Variants in ADAMTS12 observed in about 807,000 individuals in gnomAD.
The protein encoded by ADAMTS12 is A disintegrin and metalloproteinase with thrombospondin motifs 12.
A neutral mutation model predicts 167.8 loss-of-function variants in ADAMTS12; 118 were observed. The observed-to-expected ratio is 0.70, with a 90% CI of 0.61 to 0.82. The LOEUF is 0.82. Ranked by LOEUF, ADAMTS12 falls within the 40% of genes least tolerant of loss-of-function variation. ADAMTS12 has a pLI of 0.00. For synonymous variants in ADAMTS12, 704 were observed against 716.9 expected (o/e 0.98, Z 0.29); for missense variants, 1,916 against 1,998.8 (o/e 0.96, Z 0.79).
rs1737856984 is a variant in ADAMTS12, at chr5:33,596,174, T to C, written c.2528-114A>G. 3.7e-6 allele frequency: 5 copies of C among 1,364,142 alleles called. No individual in the cohort carries two copies. The South Asian group carries it at 5.6e-5, about 15-fold the overall frequency. The allele number at this position is 1,364,142 out of a possible 1,614,324, so 84.5% of individuals were successfully genotyped here. On this transcript the variant is annotated intron_variant, in intron 16 of 23. Transcript: ENST00000504830. ...ATGCTGACGGCTGATGGGAAAGTTG[T>C]TCAAAAGTTACTTGGTTTTAAAGGA... is the stretch of plus-strand genomic sequence containing the variant.
intron 14 of ADAMTS12, among the ~76,000 whole-genome samples, chr5:33,623,955 T>C (rs1161515972): frequency 6.6e-6 from 1 of 152,144 alleles, no homozygotes; most frequent in Non-Finnish European, 1.5e-5. Flanking sequence ...CTCCCAGAGA[T>C]CACACTCTTA....
intron 2 of ADAMTS12, among the ~76,000 whole-genome samples, chr5:33,774,184 C>A (rs1188915609): frequency 6.6e-6 from 1 of 152,150 alleles, no homozygotes; most frequent in Non-Finnish European, 1.5e-5. Flanking sequence ...TTATTAGGTG[C>A]TTCCTGTATG....
chr5:33,870,060 T>C (rs1003193407), intron 2 of ADAMTS12, among the ~76,000 whole-genome samples: 1 of 152,224 alleles, frequency 6.6e-6, no homozygotes, highest in Admixed American at 6.5e-5. Context: ...AAGAGAAATA[T>C]GGCTCTGTCC....
rs148738934 is a variant in ADAMTS12, at chr5:33,796,349, T to C, written c.490-44801A>G. On this transcript the variant is annotated intron_variant, in intron 2 of 23. Transcript: ENST00000504830. ...TGACATGGAAGGATGCCAAGGTATA[T>C]TGTTGCATGAAAAGCACCAAATTAC... Among the ~76,000 whole-genome samples the C allele has an allele frequency of 1.8e-3, 281 of 152,340 alleles. 1 individual carries two copies. Among genetic ancestry groups the C allele is most frequent in the African/African-American group, 6.1e-3 (252 of 41,584 alleles).
chr5:33,847,412 C>T lies in ADAMTS12; in HGVS notation c.489+33707G>A, dbSNP rs899747718. 7.9e-5 allele frequency among the ~76,000 whole-genome samples: 12 copies of T among 152,172 alleles called. No individual in the cohort carries two copies. In the South Asian group the frequency reaches 1.0e-3, roughly 13 times the overall value. On this transcript the variant is annotated intron_variant, in intron 2 of 23. Transcript: ENST00000504830. ...CCTAGGCTGGTGGATCACCTGAGGT[C>T]GGGAGTTGGAGACCAGCCTGACCAA... is the stretch of plus-strand genomic sequence containing the variant.
chr5:33,662,059 G>T lies in ADAMTS12; in HGVS notation c.916-19C>A. ...GTCCTTGCTGGAGAAAGAAGAGGAA[G>T]AGATTAGCATGGGAGAGCTCACTGT... On this transcript the variant is annotated intron_variant, in intron 5 of 23. Transcript: ENST00000504830. 6.2e-7 allele frequency: 1 copy of T among 1,604,706 alleles called. No individual in the cohort carries two copies. Among genetic ancestry groups the T allele is most frequent in the Non-Finnish European group, 8.5e-7 (1 of 1,179,038 alleles).
At chr5:33,573,706 A>G (rs1258352489) in intron 19 of ADAMTS12, among the ~76,000 whole-genome samples, 6 of 152,220 alleles carry the variant, frequency 3.9e-5, no homozygotes, top group African/African-American at 1.4e-4. Flanking sequence ...CATGTCTAAA[A>G]TACCAAAAGC....
At chr5:33,650,140 G>A (rs747985792) in intron 7 of ADAMTS12, among the ~76,000 whole-genome samples, 7 of 152,186 alleles carry the variant, frequency 4.6e-5, no homozygotes, top group African/African-American at 7.2e-5. Flanking sequence ...AAGCCTCTGG[G>A]AGACTTTGTC....
chr5:33,794,368 C>T (rs1321235444), intron 2 of ADAMTS12, among the ~76,000 whole-genome samples: 1 of 152,150 alleles, frequency 6.6e-6, no homozygotes, highest in Non-Finnish European at 1.5e-5. Flanking sequence ...CGATCTGGAG[C>T]TAAAATTCCG....
intron 12 of ADAMTS12, 95 bp downstream of exon 12, chr5:33,637,482 A>T: frequency 7.7e-7 from 1 of 1,301,130 alleles, no homozygotes. Flanking sequence ...TGTCTTTGTT[A>T]AGCTTTGTGT....
At position 33,566,918 on chromosome 5, in the gene ADAMTS12, G is replaced by A. The variant is rs571542151; in HGVS notation, c.3973-5739C>T. On this transcript the variant is annotated intron_variant, in intron 19 of 23. Transcript: ENST00000504830. ...TCCCTTTCTGATTGACTGGGATGGT[G>A]ACCCCAGGGCAAATTTGATGATGGG... 1.1e-4 allele frequency among the ~76,000 whole-genome samples: 16 copies of A among 152,224 alleles called. 1 individual carries two copies. The South Asian group carries it at 3.3e-3, about 32-fold the overall frequency.
At chr5:33,765,148 C>T (rs999991968) in intron 2 of ADAMTS12, among the ~76,000 whole-genome samples, 9 of 151,952 alleles carry the variant, frequency 5.9e-5, no homozygotes, top group Admixed American at 2.6e-4. Context: ...ACACATATGC[C>T]CACCCTTAGA....
At chr5:33,684,174 G>T in intron 3 of ADAMTS12, 119 bp from the exon 4 acceptor site, 1 of 758,452 alleles carries the variant, frequency 1.3e-6, no homozygotes, top group Non-Finnish European at 1.8e-6. Context: ...TAAACGCAAT[G>T]TTTTTACGTA....
chr5:33,872,886 A>C (rs566134164), intron 2 of ADAMTS12, among the ~76,000 whole-genome samples: 3 of 152,358 alleles, frequency 2.0e-5, no homozygotes, highest in African/African-American at 7.2e-5. Context: ...ACACTTGACA[A>C]AATCCAACAC....
At chr5:33,590,863 C>A (rs6882270) in intron 17 of ADAMTS12, among the ~76,000 whole-genome samples, 24,791 of 150,642 alleles carry the variant, frequency 0.16, 2,157 homozygotes, top group South Asian at 0.25. Context: ...TAGTCTTAGT[C>A]TCACAAGATT....
intron 11 of ADAMTS12, among the ~76,000 whole-genome samples, chr5:33,639,550 TG>T (rs1288892256): frequency 6.6e-6 from 1 of 152,162 alleles, no homozygotes; most frequent in African/African-American, 2.4e-5. Context: ...GCAGAAGGCA[TG>T]TCGAGCGAGC....
intron 3 of ADAMTS12, among the ~76,000 whole-genome samples, chr5:33,735,750 C>T (rs1439132609): frequency 2.0e-5 from 3 of 152,160 alleles, no homozygotes; most frequent in East Asian, 1.9e-4. Flanking sequence ...ATGTCCAGCA[C>T]GGACCATGAA....
intron 3 of ADAMTS12, among the ~76,000 whole-genome samples, chr5:33,693,217 T>C (rs2112280882): frequency 6.6e-6 from 1 of 152,334 alleles, no homozygotes; most frequent in East Asian, 1.9e-4. Context: ...GTTAACTTGG[T>C]GAGTCAGCAA....
rs779539033 is a variant in ADAMTS12 at position 33,576,847 on chromosome 5, CCTT to C, written c.3176_3178del (p.Glu1059del). On this transcript the variant is annotated inframe_deletion, in exon 19 of 24. Transcript: ENST00000504830. ...TTGCCACTGTTTCCCACCCAGGTCTCCTTCTTTGGAGGCTGTGGTAGGACTAGG... is the reference window on the plus strand; with the variant it reads ...TTGCCACTGTTTCCCACCCAGGTCTCCTTTGGAGGCTGTGGTAGGACTAGG... The C allele has an allele frequency of 1.2e-6, 2 of 1,614,170 alleles. No homozygotes were observed. The highest frequency in any genetic ancestry group is 2.2e-5 in the East Asian group (1 of 44,874).
Sources: gnomAD v4.1 joint callset for allele counts (sites outside exome capture counted in the v4.1 genomes callset) on GRCh38, gnomAD v4.1.1 for gene constraint, MANE v1.5 for transcripts, NCBI Gene and HGNC (gene_info 2026-07-23, HGNC 2026-07-21) for gene names.